Variants in DNAJC24 observed in about 807,000 individuals in gnomAD.
The protein encoded by DNAJC24 is DnaJ heat shock protein family (Hsp40) member C24.
In DNAJC24, 17 loss-of-function variants were observed where a neutral mutation model predicts 18.0. The observed-to-expected ratio is 0.94, with a 90% CI of 0.65 to 1.42. DNAJC24 has a LOEUF of 1.42. Ranked by LOEUF, DNAJC24 falls within the 40% of genes most tolerant of loss-of-function variation. DNAJC24 has a pLI of 0.00. For synonymous variants in DNAJC24, 55 were observed against 57.7 expected, an observed-to-expected ratio of 0.95 and a Z score of 0.21; for missense variants, 158 against 175.6, an observed-to-expected ratio of 0.90 and a Z score of 0.57.
At chr11:31,399,041 T>C (rs12284140) in intron 2 of DNAJC24, among the ~76,000 whole-genome samples, 46 of 152,324 alleles carry the variant, frequency 3.0e-4, no homozygotes, top group African/African-American at 1.1e-3. Flanking sequence ...GTGTTGAATA[T>C]ATCATCAAAG....
At position 31,385,706 on chromosome 11, in the gene DNAJC24, G is replaced by A. The variant is rs541471562; in HGVS notation, c.111+14847G>A. Among the ~76,000 whole-genome samples, 14 of 152,232 alleles carry A rather than the reference G, an allele frequency of 9.2e-5. No homozygotes were observed. In the South Asian group the frequency reaches 2.9e-3, roughly 32 times the overall value. ...CCTCTTTTGACAAGATTGTGAAAAG[G>A]TGATAGTAATAATGTAATATTATTA... On this transcript the variant is annotated intron_variant, in intron 2 of 4. Transcript: ENST00000465995.
At chr11:31,414,988 C>G (rs146731433) in intron 3 of DNAJC24, 39 bp downstream of exon 3, 3 of 1,599,954 alleles carry the variant, frequency 1.9e-6, no homozygotes, top group Non-Finnish European at 2.6e-6. Flanking sequence ...ACATCGGCAA[C>G]TCTTAGAAGC....
intron 2 of DNAJC24, among the ~76,000 whole-genome samples, chr11:31,374,831 T>G (rs1222171133): frequency 7.4e-6 from 1 of 135,158 alleles, no homozygotes; most frequent in Non-Finnish European, 1.7e-5. Context: ...TTTTTGCAGG[T>G]ACACTGAATT....
intron 2 of DNAJC24, among the ~76,000 whole-genome samples, chr11:31,383,921 A>G (rs1341979474): frequency 6.6e-6 from 1 of 152,230 alleles, no homozygotes; most frequent in Non-Finnish European, 1.5e-5. Context: ...AATTATCTTA[A>G]GCCAAATAGG....
intron 2 of DNAJC24, 23 bp from the exon 3 acceptor site, chr11:31,414,788 G>A (rs1048727886): frequency 1.9e-6 from 3 of 1,608,722 alleles, no homozygotes; most frequent in Non-Finnish European, 2.5e-6. Flanking sequence ...CTCACCCCCT[G>A]CACCCTTCTT....
At chr11:31,371,814 CTTTTTTTTTTTTT>C (rs1196949855) in intron 2 of DNAJC24, among the ~76,000 whole-genome samples, 2 of 73,844 alleles carry the variant, frequency 2.7e-5, no homozygotes, top group South Asian at 5.0e-4. Flanking sequence ...TATCAGTTGA[CTTTTTTTTTTTTT>C]TTTTTTTTTT....
intron 2 of DNAJC24, among the ~76,000 whole-genome samples, chr11:31,397,369 A>G (rs896488507): frequency 6.6e-6 from 1 of 152,188 alleles, no homozygotes; most frequent in Non-Finnish European, 1.5e-5. Flanking sequence ...ACCATGTTTC[A>G]TTTGTTAACT....
At chr11:31,394,594 A>C (rs1408359097) in intron 2 of DNAJC24, among the ~76,000 whole-genome samples, 1 of 152,014 alleles carries the variant, frequency 6.6e-6, no homozygotes, top group Non-Finnish European at 1.5e-5. Flanking sequence ...TCTGAAGTTA[A>C]AAAAAAGTTT....
chr11:31,399,747 T>TC (rs1402649772), intron 2 of DNAJC24, among the ~76,000 whole-genome samples: 3 of 147,388 alleles, frequency 2.0e-5, no homozygotes, highest in Admixed American at 6.7e-5. Context: ...TTCTTTTTTT[T>TC]TTTTTTTTTT....
At chr11:31,392,136 G>T (rs1952502814) in intron 2 of DNAJC24, among the ~76,000 whole-genome samples, 1 of 152,180 alleles carries the variant, frequency 6.6e-6, no homozygotes, top group Non-Finnish European at 1.5e-5. Context: ...AGTGGAGATG[G>T]TTAATGGTTC....
At chr11:31,413,948 G>A (rs555477207) in intron 2 of DNAJC24, among the ~76,000 whole-genome samples, 16 of 152,218 alleles carry the variant, frequency 1.1e-4, no homozygotes, top group Admixed American at 7.9e-4. Flanking sequence ...AAAGAGAAGG[G>A]AGAATCACAG....
chr11:31,386,241 G>A (rs485265), intron 2 of DNAJC24, among the ~76,000 whole-genome samples: 107,242 of 151,570 alleles, frequency 0.71, 39,365 homozygotes, highest in African/African-American at 0.9. Context: ...TGGGGTCCAC[G>A]TGACCTGATG....
intron 2 of DNAJC24, among the ~76,000 whole-genome samples, chr11:31,402,124 C>T (rs764531647): frequency 6.6e-6 from 1 of 152,182 alleles, no homozygotes; most frequent in Non-Finnish European, 1.5e-5. Flanking sequence ...TAGCCTACTA[C>T]ACATTGGGCT....
In DNAJC24 at chr11:31,374,121, T is replaced by C. The variant is rs1331624061; in HGVS notation, c.111+3262T>C. On this transcript the variant is annotated intron_variant, in intron 2 of 4. Transcript: ENST00000465995. The stretch of plus-strand genomic sequence containing the variant: ...CGTTAAGGCACTAGCTGGTTGCTTC[T>C]ATTAAAATGTTCAGTTGAAGTGTTA... 1.5e-5 allele frequency: 6 copies of C among 393,486 alleles called. 2 individuals are homozygous for C. Among genetic ancestry groups the C allele is most frequent in the Non-Finnish European group, 3.1e-5 (6 of 190,694 alleles). The allele number at this position is 393,486 out of a possible 1,614,324, so 24.4% of individuals were successfully genotyped here.
Position 31,430,186 on chromosome 11 carries a change from A to G in DNAJC24, c.320-85A>G, listed in dbSNP as rs1050914598. ...TTCTTTGTTTTGTTTTACAATTCCT[A>G]TGGAATAAACTCTGCACCTTTTAAG... On this transcript the variant is annotated intron_variant, in intron 4 of 4. Coordinates refer to ENST00000465995, the MANE Select transcript of DNAJC24 (RefSeq NM_181706.5). 12 of 1,192,516 alleles carry G rather than the reference A, an allele frequency of 1.0e-5. No homozygotes were observed. In the South Asian group the frequency reaches 1.0e-4, roughly 10 times the overall value. 73.9% of individuals were successfully genotyped at this position (1,192,516 alleles called of 1,614,324 possible).
intron 2 of DNAJC24, among the ~76,000 whole-genome samples, chr11:31,414,329 A>T (rs953501672): frequency 1.2e-4 from 18 of 152,156 alleles, no homozygotes; most frequent in Non-Finnish European, 2.2e-4. Context: ...TCATGTTTAT[A>T]ATTAGATATA....
At chr11:31,423,507 C>T (rs535692949) in intron 3 of DNAJC24, among the ~76,000 whole-genome samples, 15 of 152,088 alleles carry the variant, frequency 9.9e-5, no homozygotes, top group Non-Finnish European at 1.9e-4. Flanking sequence ...GTGATCCACC[C>T]GCCTCGGCCT....
chr11:31,418,946 C>T (rs765292213), intron 3 of DNAJC24, among the ~76,000 whole-genome samples: 16 of 152,042 alleles, frequency 1.1e-4, no homozygotes, highest in Middle Eastern at 3.4e-3. Flanking sequence ...CCTTAAAACC[C>T]CACCAACAAG....
intron 2 of DNAJC24, among the ~76,000 whole-genome samples, chr11:31,381,268 T>C (rs1306088426): frequency 1.3e-5 from 2 of 152,180 alleles, no homozygotes; most frequent in Non-Finnish European, 2.9e-5. Flanking sequence ...TCCCTTATTT[T>C]CAAATTCACT....
Sources: allele counts gnomAD v4.1 joint callset (sites outside exome capture counted in the v4.1 genomes callset), GRCh38; gene constraint gnomAD v4.1.1; transcripts MANE v1.5; gene names NCBI Gene and HGNC (gene_info 2026-07-23, HGNC 2026-07-21).